The following AHCYL1 variants were observed in gnomAD, a reference collection of about 807,000 sequenced individuals.
The protein encoded by AHCYL1 is adenosylhomocysteinase like 1.
AHCYL1 carries 20 observed loss-of-function variants against 79.3 expected under a neutral mutation model. The observed-to-expected ratio is 0.25, with a 90% CI of 0.18 to 0.37. The LOEUF (loss-of-function observed/expected upper bound fraction) is 0.37, where lower values mean the gene tolerates loss of function less well. AHCYL1 is among the 10% of genes least tolerant of loss of function. AHCYL1 has a pLI of 1.00. For synonymous variants in AHCYL1, 223 were observed against 242.2 expected (o/e 0.92, Z 0.74); for missense variants, 330 against 673.6 (o/e 0.49, Z 5.65).
At chr1:110,003,935 C>T (rs955817159) in intron 1 of AHCYL1, 1 of 985,352 alleles carries the variant, frequency 1.0e-6, no homozygotes, top group Non-Finnish European at 1.2e-6. Flanking sequence ...GAAGTGAAGT[C>T]AGTGAAGTGT....
intron 2 of AHCYL1, among the ~76,000 whole-genome samples, chr1:110,009,639 C>G (rs1650895521): frequency 6.6e-6 from 1 of 152,234 alleles, no homozygotes; most frequent in Non-Finnish European, 1.5e-5. Context: ...ATATCCTCCC[C>G]TGTTAGACTC....
chr1:110,017,764 C>T (rs1036330468), intron 10 of AHCYL1, among the ~76,000 whole-genome samples, 181 bp downstream of exon 10: 4 of 152,142 alleles, frequency 2.6e-5, no homozygotes, highest in African/African-American at 9.7e-5. Flanking sequence ...ATTTTTCCTT[C>T]CTAGAGGGAG....
At chr1:110,012,255 T>G in intron 3 of AHCYL1, 107 bp from the exon 4 acceptor site, 6 of 933,844 alleles carry the variant, frequency 6.4e-6, no homozygotes, top group Non-Finnish European at 3.2e-6. Flanking sequence ...GGCTTAAAGT[T>G]TTTCTGCCTC....
chr1:110,003,994 C>T, intron 1 of AHCYL1: 2 of 985,428 alleles, frequency 2.0e-6, no homozygotes, highest in Non-Finnish European at 2.4e-6. Flanking sequence ...TCAAACTACT[C>T]TTTGGCAGAG....
chr1:110,004,340 G>A, intron 1 of AHCYL1: 1 of 985,416 alleles, frequency 1.0e-6, no homozygotes, highest in Non-Finnish European at 1.2e-6. Context: ...GCCAAAACCT[G>A]CTAAGTCTCA....
Position 110,018,538 on chromosome 1 carries a change from T to C in AHCYL1, c.1219-14T>C, listed in dbSNP as rs770042783. 6.2e-7 allele frequency: 1 copy of C among 1,614,110 alleles called. No individual in the cohort carries two copies. The highest frequency in any genetic ancestry group is 1.1e-5 in the South Asian group (1 of 91,066). On this transcript the variant is annotated splice_polypyrimidine_tract_variant and intron_variant, in intron 12 of 16. Transcript: ENST00000369799. The stretch of plus-strand genomic sequence containing the variant: ...CATTAATAACCATAGTCAACTGTGC[T>C]TTCTTCCTTTCAGACCAGCCTCCGC...
chr1:109,994,838 G>A (rs906295458), intron 1 of AHCYL1, among the ~76,000 whole-genome samples: 1 of 152,198 alleles, frequency 6.6e-6, no homozygotes, highest in African/African-American at 2.4e-5. Flanking sequence ...AATTGTGAAT[G>A]TTAATTATAT....
Position 110,009,057 on chromosome 1 carries a change from G to A in AHCYL1, c.144G>A (p.Met48Ile). 6.2e-7 allele frequency: 1 copy of A among 1,613,680 alleles called. No individual in the cohort carries two copies. Among genetic ancestry groups the A allele is most frequent in the Non-Finnish European group, 8.5e-7 (1 of 1,179,720 alleles). ...AGCAAATCCAGTTTGCTGATGACAT[G>A]CAGGAGTTCACCAAATTCCCCACCA... ...PKKQIQFADD[M>I]QEFTKFPTKT... The change falls in exon 2 of 17, where the codon ATG becomes ATA. Residue 48 changes from methionine (M) to isoleucine (I), a missense_variant. This residue lies in a region of AHCYL1 where 66 missense variants were observed against 68.0 expected (regional missense o/e 0.97). Transcript: ENST00000369799.
intron 1 of AHCYL1, among the ~76,000 whole-genome samples, chr1:109,999,207 A>C (rs189360559): frequency 2.0e-4 from 30 of 152,130 alleles, no homozygotes; most frequent in African/African-American, 6.8e-4. Flanking sequence ...TTATGTATAC[A>C]TTGTGAAATT....
intron 1 of AHCYL1, among the ~76,000 whole-genome samples, chr1:110,001,411 C>T (rs1338030654): frequency 1.3e-5 from 2 of 152,188 alleles, no homozygotes; most frequent in South Asian, 2.1e-4. Flanking sequence ...GTCTCAAACT[C>T]CTGACCTTAG....
intron 15 of AHCYL1, 54 bp from the exon 16 acceptor site, chr1:110,020,677 C>T: frequency 1.3e-6 from 2 of 1,526,714 alleles, no homozygotes; most frequent in East Asian, 4.8e-5. Context: ...GAAGTTATAA[C>T]TTGAGAGACA....
rs376686971 is a variant in AHCYL1 at position 110,013,008 on chromosome 1, G to A, written c.580+9G>A. ...AGCACTGGCTGAGGCTGGTAAGTTC[G>A]GTTTTTTCCCACCAACTTTGCCCCA... On this transcript the variant is annotated intron_variant, in intron 5 of 16. Transcript: ENST00000369799. The A allele has an allele frequency of 1.4e-5, 22 of 1,596,882 alleles. No individual in the cohort carries two copies. Among genetic ancestry groups the A allele is most frequent in the South Asian group, 9.1e-5 (8 of 87,536 alleles).
At chr1:110,008,588 AT>A (rs10715355) in intron 1 of AHCYL1, among the ~76,000 whole-genome samples, 96,504 of 151,872 alleles carry the variant, frequency 0.64, 31,522 homozygotes, top group East Asian at 0.81. Context: ...AAGCAAGACC[AT>A]TTGCCAACTT....
chr1:110,004,554 T>C, intron 1 of AHCYL1: 1 of 941,032 alleles, frequency 1.1e-6, no homozygotes, highest in Non-Finnish European at 1.3e-6. Flanking sequence ...GTGTATTTCT[T>C]GTACCAAGGA....
At chr1:110,019,460 T>C (rs1651649693) in intron 14 of AHCYL1, 88 bp from the exon 15 acceptor site, 1 of 1,203,970 alleles carries the variant, frequency 8.3e-7, no homozygotes, top group South Asian at 1.4e-5. Flanking sequence ...CTGTAGTACT[T>C]ACCCAAATGC....
chr1:109,995,428 TCAGA>T (rs894920792), intron 1 of AHCYL1, among the ~76,000 whole-genome samples: 2 of 152,244 alleles, frequency 1.3e-5, no homozygotes, highest in Non-Finnish European at 2.9e-5. Flanking sequence ...TCGGTCTTCC[TCAGA>T]CAGTCTCTTT....
chr1:110,010,221 A>G (rs969662315), intron 2 of AHCYL1, among the ~76,000 whole-genome samples: 26 of 152,232 alleles, frequency 1.7e-4, no homozygotes, highest in African/African-American at 6.0e-4. Context: ...ACAGAAATGT[A>G]TTAGAGCCTT....
chr1:110,021,800 C>T lies in AHCYL1; in HGVS notation c.*120C>T, dbSNP rs1651822450. The T allele has an allele frequency of 1.8e-6, 2 of 1,136,934 alleles. No individual in the cohort carries two copies. The highest frequency in any genetic ancestry group is 2.5e-6 in the Non-Finnish European group (2 of 798,182). 70.4% of individuals were successfully genotyped at this position (1,136,934 alleles called of 1,614,324 possible). ...TTGATTTTTTTCCTATAATTTCATT[C>T]TTGTTTTTTCATCTCATTATCCAAG... On this transcript the variant is annotated 3_prime_UTR_variant, in exon 17 of 17. Coordinates refer to ENST00000369799, the MANE Select transcript of AHCYL1 (RefSeq NM_006621.7).
intron 3 of AHCYL1, 62 bp downstream of exon 3, chr1:110,011,419 C>G: frequency 6.3e-7 from 1 of 1,594,470 alleles, no homozygotes; most frequent in Non-Finnish European, 8.5e-7. Flanking sequence ...TCAGAATCCA[C>G]AAACAACTTA....
Sources: gnomAD v4.1 joint callset for allele counts (sites outside exome capture counted in the v4.1 genomes callset) on GRCh38, gnomAD v4.1.1 for gene constraint, gnomAD v4.1.1 regional missense constraint, MANE v1.5 for transcripts, NCBI Gene and HGNC (gene_info 2026-07-23, HGNC 2026-07-21) for gene names.